DMD: variants seen among roughly 807,000 people sequenced by gnomAD.
DMD encodes mutant dystrophin.
In DMD, 63 loss-of-function variants were observed where a neutral mutation model predicts 330.1. The ratio of observed to expected loss-of-function variants is 0.19; its 90% confidence interval spans 0.16 to 0.24. DMD has a LOEUF of 0.24. Ranked by LOEUF, DMD falls within the 10% of genes least tolerant of loss-of-function variation. The pLI is 1.00. For missense variants in DMD, 3,344 were observed against 2,684.1 expected (o/e 1.25, Z -5.43); for synonymous variants, 1,223 against 959.8 (o/e 1.27, Z -5.07).
At chrX:32,883,823 C>CAAAAAAAAAAAAAAA (rs56150142) in intron 2 of DMD, among the ~76,000 whole-genome samples, 1 of 30,339 alleles carries the variant, frequency 3.3e-5, no homozygotes, top group African/African-American at 1.4e-4. Flanking sequence ...GACTCTGTTT[C>CAAAAAAAAAAAAAAA]AAAAAAAAAA....
chrX:32,344,236 G>A (rs1424012862), intron 39 of DMD, among the ~76,000 whole-genome samples: 2 of 111,408 alleles, frequency 1.8e-5, no homozygotes, highest in African/African-American at 3.3e-5. Context: ...GGTTTAATTC[G>A]AGCGAAAAAA....
intron 1 of DMD, among the ~76,000 whole-genome samples, chrX:33,052,807 A>G (rs2094473021): frequency 9.0e-6 from 1 of 111,517 alleles, no homozygotes; most frequent in African/African-American, 3.3e-5. Context: ...TTAAATAACT[A>G]AGAGTATAAC....
intron 19 of DMD, among the ~76,000 whole-genome samples, chrX:32,498,929 C>A (rs1232862760): frequency 9.0e-6 from 1 of 111,593 alleles, no homozygotes; most frequent in Non-Finnish European, 1.9e-5. Flanking sequence ...GTCTTCTCAG[C>A]ATATGTCTTA....
intron 48 of DMD, among the ~76,000 whole-genome samples, chrX:31,846,999 T>C (rs1488040710): frequency 8.9e-6 from 1 of 111,883 alleles, no homozygotes; most frequent in Non-Finnish European, 1.9e-5. Flanking sequence ...TGCTACATGA[T>C]GGACTGAAGA....
intron 44 of DMD, among the ~76,000 whole-genome samples, chrX:32,026,257 G>T (rs1002919592): frequency 8.9e-6 from 1 of 112,185 alleles, no homozygotes; most frequent in African/African-American, 3.2e-5. Flanking sequence ...TAGCTTTAGA[G>T]ATAATAAGCT....
intron 11 of DMD, among the ~76,000 whole-genome samples, chrX:32,617,013 C>T (rs1055999438): frequency 9.1e-6 from 1 of 109,901 alleles, no homozygotes; most frequent in Non-Finnish European, 1.9e-5. Flanking sequence ...TTTCTTTAAA[C>T]TAGAAGTTGA....
At chrX:32,508,862 G>A (rs754955852) in intron 18 of DMD, among the ~76,000 whole-genome samples, 1 of 110,067 alleles carries the variant, frequency 9.1e-6, no homozygotes, top group Non-Finnish European at 1.9e-5. Context: ...CCAGGCTGGA[G>A]TGCAGTGGCG....
Position 31,360,725 on chromosome X carries a change from G to A in DMD, c.9085-12091C>T, listed in dbSNP as rs187727183. 6.2e-5 allele frequency among the ~76,000 whole-genome samples: 7 copies of A among 112,166 alleles called. No homozygotes were observed. The East Asian group carries it at 2.0e-3, about 31-fold the overall frequency. On this transcript the variant is annotated intron_variant, in intron 60 of 78. Transcript: ENST00000357033. ...CATAGTTTGATGTAATAGCAAATCA[G>A]TAAATCATGGACGGTTGAACAAAGA...
intron 21 of DMD, among the ~76,000 whole-genome samples, chrX:32,472,747 G>A (rs906467041): frequency 4.5e-5 from 5 of 110,915 alleles, no homozygotes; most frequent in African/African-American, 9.8e-5. Flanking sequence ...ATCATTATCC[G>A]AAGACCTTGA....
rs748004018 is a variant in DMD at position 32,720,857 on chromosome X, G to T, written c.650-21564C>A. On this transcript the variant is annotated intron_variant, in intron 7 of 78. Transcript: ENST00000357033. Reference sequence around the variant, plus strand: ...ATCCCACATAACTGCAAGTTTCCATGTACACATTGACTTATTTCCTCACCC... The same window carrying T: ...ATCCCACATAACTGCAAGTTTCCATTTACACATTGACTTATTTCCTCACCC... Among the ~76,000 whole-genome samples, 27 of 111,393 alleles carry T rather than the reference G, an allele frequency of 2.4e-4. 1 individual carries two copies. The South Asian group carries it at 0.01, about 41-fold the overall frequency.
chrX:33,019,071 C>CGAT (rs1301164464), intron 2 of DMD, among the ~76,000 whole-genome samples: 4 of 111,519 alleles, frequency 3.6e-5, no homozygotes, highest in African/African-American at 1.3e-4. Context: ...AAAGAATAGA[C>CGAT]GATATTCTAA....
At chrX:32,841,659 C>G (rs1028163456) in intron 4 of DMD, among the ~76,000 whole-genome samples, 3 of 111,802 alleles carry the variant, frequency 2.7e-5, no homozygotes, top group Non-Finnish European at 5.6e-5. Flanking sequence ...AATACTGAGT[C>G]TTAACCTATT....
At chrX:32,189,893 A>T (rs1258372448) in intron 44 of DMD, among the ~76,000 whole-genome samples, 1 of 110,723 alleles carries the variant, frequency 9.0e-6, no homozygotes, top group Middle Eastern at 4.2e-3. Flanking sequence ...CATTTTTTTT[A>T]TTATACTTTA....
At chrX:32,415,602 T>A in intron 29 of DMD, among the ~76,000 whole-genome samples, 1 of 112,375 alleles carries the variant, frequency 8.9e-6, no homozygotes, top group Non-Finnish European at 1.9e-5. Context: ...TAATCTGATT[T>A]TTTGTTGTTG....
In DMD at chrX:32,243,254, G is replaced by T. The variant is rs151147327; in HGVS notation, c.6291-26191C>A. Among the ~76,000 whole-genome samples the T allele has an allele frequency of 1.9e-3, 212 of 111,119 alleles. 1 individual carries two copies. Among genetic ancestry groups the T allele is most frequent in the African/African-American group, 6.6e-3 (203 of 30,630 alleles). On this transcript the variant is annotated intron_variant, in intron 43 of 78. Coordinates refer to ENST00000357033, the MANE Select transcript of DMD (RefSeq NM_004006.3). ...TTCAAAAGTGCTTGGGTTGATGATA[G>T]CCTGACAAGGATTAGCTTGGGTACA...
chrX:31,692,361 C>T (rs1054109928), intron 52 of DMD, among the ~76,000 whole-genome samples: 2 of 109,690 alleles, frequency 1.8e-5, no homozygotes, highest in African/African-American at 6.6e-5. Flanking sequence ...CAGGAAACTA[C>T]AAAAAGAAGA....
intron 59 of DMD, among the ~76,000 whole-genome samples, chrX:31,473,202 CCA>C (rs1491225248): frequency 6.6e-5 from 6 of 90,451 alleles, no homozygotes; most frequent in African/African-American, 1.9e-4. Flanking sequence ...ACTAAAAAAT[CCA>C]AAAAAAAAAA....
chrX:31,342,934 G>A (rs5927008), intron 61 of DMD, among the ~76,000 whole-genome samples: 31,146 of 109,978 alleles, frequency 0.28, 3,339 homozygotes, highest in East Asian at 0.55. Context: ...GTGCCACCAC[G>A]CCCAGCTAAT....
intron 50 of DMD, among the ~76,000 whole-genome samples, chrX:31,774,965 T>A (rs2090569034): frequency 9.0e-6 from 1 of 111,408 alleles, no homozygotes; most frequent in Non-Finnish European, 1.9e-5. Context: ...GTACTAGAAT[T>A]AAAATGTCTG....
Sources: allele counts gnomAD v4.1 joint callset (sites outside exome capture counted in the v4.1 genomes callset), GRCh38; gene constraint gnomAD v4.1.1; transcripts MANE v1.5; gene names NCBI Gene and HGNC (gene_info 2026-07-23, HGNC 2026-07-21).